Variants in PTPRQ observed in about 807,000 individuals in gnomAD.
The protein encoded by PTPRQ is protein tyrosine phosphatase receptor type Q, also known as phosphatidylinositol phosphatase PTPRQ.
A neutral mutation model predicts 246.0 loss-of-function variants in PTPRQ; 199 were observed. That is an observed-to-expected ratio of 0.81 (90% CI 0.72 to 0.91). PTPRQ has a LOEUF of 0.91. PTPRQ is among the 40% of genes least tolerant of loss of function. PTPRQ has a pLI of 0.00. For synonymous variants in PTPRQ, 869 were observed against 853.2 expected, an observed-to-expected ratio of 1.02 and a Z score of -0.32; for missense variants, 2,624 against 2,528.4, an observed-to-expected ratio of 1.04 and a Z score of -0.81.
In PTPRQ at chr12:80,634,989, A is replaced by G; in HGVS notation, c.5831A>G (p.Asp1944Gly). The change falls in exon 35 of 45, where the codon GAT becomes GGT. Residue 1944 changes from aspartate to glycine, a missense_variant. Coordinates refer to ENST00000644991, the MANE Select transcript of PTPRQ (RefSeq NM_001145026.2). ...GAAGGTGGCACATACTCTCCTCAGG[A>G]TGCAGAAATTATTGACACTAAATTG... The part of the protein sequence containing the change: ...QKEGGTYSPQ[D>G]AEIIDTKLKL... The G allele has an allele frequency of 6.4e-7, 1 of 1,551,434 alleles. No individual in the cohort carries two copies. The highest frequency in any genetic ancestry group is 8.7e-7 in the Non-Finnish European group (1 of 1,146,824).
At chr12:80,623,263 C>T (rs1356755441) in intron 33 of PTPRQ, among the ~76,000 whole-genome samples, 1 of 152,108 alleles carries the variant, frequency 6.6e-6, no homozygotes, top group African/African-American at 2.4e-5. Flanking sequence ...ACAGCCTCTA[C>T]ATGTAGTCAA....
intron 25 of PTPRQ, among the ~76,000 whole-genome samples, chr12:80,569,127 T>A (rs1897064921): frequency 2.0e-5 from 3 of 148,380 alleles, no homozygotes; most frequent in Non-Finnish European, 3.0e-5. Flanking sequence ...TTGGATACAA[T>A]TCTTTTTTTT....
In PTPRQ at chr12:80,534,065, T is replaced by G; in HGVS notation, c.2729T>G (p.Leu910Ter). ...TINVTETSLELSDLDYNVEYS... is the reference protein window; with the variant it reads ...TINVTETSLE ...AATGTCACTGAAACATCATTGGAGTTATCAGATTTGGATTATAATGTTGAA... is the reference window on the plus strand; with the variant it reads ...AATGTCACTGAAACATCATTGGAGTGATCAGATTTGGATTATAATGTTGAA... The change falls in exon 18 of 45, where the codon TTA (leucine) becomes TGA (stop). Residue 910 changes from leucine to a stop codon, truncating the protein, a stop_gained. Coordinates refer to ENST00000644991, the MANE Select transcript of PTPRQ (RefSeq NM_001145026.2). LOFTEE classifies it high-confidence loss of function. 1 of 1,535,076 alleles carries G rather than the reference T, an allele frequency of 6.5e-7. No individual in the cohort carries two copies. The highest frequency in any genetic ancestry group is 1.3e-5 in the South Asian group (1 of 79,246).
At chr12:80,655,778 T>C (rs1900413037) in intron 38 of PTPRQ, among the ~76,000 whole-genome samples, 1 of 152,206 alleles carries the variant, frequency 6.6e-6, no homozygotes, top group African/African-American at 2.4e-5. Flanking sequence ...AGAATTTGAA[T>C]TTTAGCTAAT....
At chr12:80,479,066 C>G (rs1379761834) in intron 8 of PTPRQ, among the ~76,000 whole-genome samples, 1 of 151,548 alleles carries the variant, frequency 6.6e-6, no homozygotes, top group Non-Finnish European at 1.5e-5. Flanking sequence ...CTCCAAGACA[C>G]ATAATTGTCA....
At chr12:80,652,466 G>C (rs1900288017) in intron 37 of PTPRQ, among the ~76,000 whole-genome samples, 1 of 151,950 alleles carries the variant, frequency 6.6e-6, no homozygotes, top group African/African-American at 2.4e-5. Flanking sequence ...TATGTAAAAT[G>C]GTCACTAACA....
chr12:80,480,751 T>C (rs1041252826), intron 8 of PTPRQ, among the ~76,000 whole-genome samples: 2 of 152,072 alleles, frequency 1.3e-5, no homozygotes, highest in Non-Finnish European at 2.9e-5. Context: ...AACACCTCTA[T>C]GCAAATAAAC....
At chr12:80,604,486 C>A (rs1373840134) in intron 26 of PTPRQ, among the ~76,000 whole-genome samples, 1 of 151,460 alleles carries the variant, frequency 6.6e-6, no homozygotes, top group African/African-American at 2.4e-5. Flanking sequence ...TAATTGGAGT[C>A]ATAAGGAATT....
intron 25 of PTPRQ, 59 bp from the exon 26 acceptor site, chr12:80,588,070 T>C (rs1897675038): frequency 1.4e-6 from 2 of 1,445,480 alleles, no homozygotes; most frequent in Admixed American, 2.8e-5. Flanking sequence ...TATTCTTTCT[T>C]CTCTTTATGA....
At position 80,586,550 on chromosome 12, in the gene PTPRQ, A is replaced by T. The variant is rs540159542; in HGVS notation, c.4286-1579A>T. The T allele has an allele frequency of 3.0e-4, 46 of 152,236 alleles. No individual in the cohort carries two copies. In the East Asian group the frequency reaches 7.7e-3, roughly 26 times the overall value. The allele number at this position is 152,236 out of a possible 1,614,324, so 9.4% of individuals were successfully genotyped here. On this transcript the variant is annotated intron_variant, in intron 25 of 44. Transcript: ENST00000644991. ...ACCCAGCCATCCCATTACTGGGTATATACCCAAAGGACTATAAATCATGCT... is the reference window on the plus strand; with the variant it reads ...ACCCAGCCATCCCATTACTGGGTATTTACCCAAAGGACTATAAATCATGCT...
At chr12:80,518,167 A>G (rs1016763634) in intron 17 of PTPRQ, among the ~76,000 whole-genome samples, 1 of 152,116 alleles carries the variant, frequency 6.6e-6, no homozygotes, top group African/African-American at 2.4e-5. Context: ...CTTTTGGAGA[A>G]GAGCTATTTT....
At chr12:80,520,789 T>C (rs1207433789) in intron 17 of PTPRQ, among the ~76,000 whole-genome samples, 2 of 152,126 alleles carry the variant, frequency 1.3e-5, no homozygotes, top group African/African-American at 2.4e-5. Flanking sequence ...GTTGCAAGTC[T>C]TTGTTATTGT....
Position 80,517,856 on chromosome 12 carries a change from A to G in PTPRQ, c.2678+7413A>G, listed in dbSNP as rs1393532738. On this transcript the variant is annotated intron_variant, in intron 17 of 44. Transcript: ENST00000644991. ...ATAGTACTCCATTGCGTATAGATGTACCACATTTTCTTTATCGAGTCAACC... is the reference window on the plus strand; with the variant it reads ...ATAGTACTCCATTGCGTATAGATGTGCCACATTTTCTTTATCGAGTCAACC... Among the ~76,000 whole-genome samples, 6 of 152,168 alleles carry G rather than the reference A, an allele frequency of 3.9e-5. No homozygotes were observed. The South Asian group carries it at 6.2e-4, about 16-fold the overall frequency.
chr12:80,651,298 A>G (rs1454297159), intron 37 of PTPRQ, among the ~76,000 whole-genome samples: 1 of 152,136 alleles, frequency 6.6e-6, no homozygotes, highest in Non-Finnish European at 1.5e-5. Flanking sequence ...AGATGTGTAA[A>G]AATTGCAAAT....
chr12:80,508,033 A>G (rs1362579638), intron 16 of PTPRQ, among the ~76,000 whole-genome samples: 1 of 152,036 alleles, frequency 6.6e-6, no homozygotes. Context: ...TAGTGAACAT[A>G]TATTTTGAGC....
At chr12:80,485,324 G>A (rs1004505531) in intron 9 of PTPRQ, among the ~76,000 whole-genome samples, 2 of 152,102 alleles carry the variant, frequency 1.3e-5, no homozygotes, top group African/African-American at 4.8e-5. Context: ...GTCATGTCCA[G>A]ATACTGGCTG....
chr12:80,614,346 G>A (rs1490286736), intron 29 of PTPRQ, among the ~76,000 whole-genome samples: 1 of 150,586 alleles, frequency 6.6e-6, no homozygotes, highest in Non-Finnish European at 1.5e-5. Context: ...TACATACACA[G>A]AGACATATAC....
Position 80,564,395 on chromosome 12 carries a change from G to A in PTPRQ, c.4285+14661G>A, listed in dbSNP as rs906652507. Among the ~76,000 whole-genome samples, 13 of 152,254 alleles carry A rather than the reference G, an allele frequency of 8.5e-5. No individual in the cohort carries two copies. In the East Asian group the frequency reaches 2.5e-3, roughly 29 times the overall value. Reference sequence around the variant, plus strand: ...ACCTTTCAGCCTCCTTTCATTTATTGTGAATTTAATGATTTTTAAGTACAT... The same window carrying A: ...ACCTTTCAGCCTCCTTTCATTTATTATGAATTTAATGATTTTTAAGTACAT... On this transcript the variant is annotated intron_variant, in intron 25 of 44. Transcript: ENST00000644991.
At chr12:80,450,139 A>G (rs572059973) in intron 3 of PTPRQ, among the ~76,000 whole-genome samples, 6,543 of 151,992 alleles carry the variant, frequency 0.043, 480 homozygotes, top group African/African-American at 0.15. Flanking sequence ...CTTTGAATCA[A>G]TTGTGAATGG....
Sources: allele counts gnomAD v4.1 joint callset (sites outside exome capture counted in the v4.1 genomes callset), GRCh38; gene constraint gnomAD v4.1.1; transcripts MANE v1.5; gene names NCBI Gene and HGNC (gene_info 2026-07-23, HGNC 2026-07-21).